DCSTAMP: variants seen among roughly 807,000 people sequenced by gnomAD.
DCSTAMP encodes dendritic cell-specific transmembrane protein.
DCSTAMP carries 25 observed loss-of-function variants against 33.8 expected under a neutral mutation model. The observed-to-expected ratio is 0.74, with a 90% CI of 0.54 to 1.03. The LOEUF (loss-of-function observed/expected upper bound fraction) is 1.03, where lower values mean the gene tolerates loss of function less well. Among genes scored for constraint, DCSTAMP ranks in the 50% least tolerant of loss-of-function variants. DCSTAMP has a pLI of 0.00. For synonymous variants in DCSTAMP, 245 were observed against 216.7 expected (o/e 1.13, Z -1.15); for missense variants, 531 against 556.8 (o/e 0.95, Z 0.47).
At chr8:104,356,070 A>G in intron 3 of DCSTAMP, 54 bp from the exon 4 acceptor site, 2 of 1,526,598 alleles carry the variant, frequency 1.3e-6, no homozygotes, top group Admixed American at 3.7e-5. Context: ...TGTCAGAGGC[A>G]TTTAAAATGA....
rs759300750 is a variant in DCSTAMP, at chr8:104,349,262, C to T, written c.710C>T (p.Pro237Leu). The T allele has an allele frequency of 1.4e-5, 22 of 1,614,096 alleles. No individual in the cohort carries two copies. In the Admixed American group the frequency reaches 3.3e-4, roughly 24 times the overall value. Reference protein sequence around the residue: ...TGLFMKRFLGPCGWKYENIYI... With the variant: ...TGLFMKRFLGLCGWKYENIYI... ...CTCTTCATGAAGCGATTTTTGGGCC[C>T]TTGTGGTTGGAAGTATGAAAACATC... Residue 237 changes from proline (P) to leucine (L), a missense_variant, in exon 2 of 4, where the codon CCT becomes CTT. By Grantham distance (98) the Pro-to-Leu change is moderately conservative. Coordinates refer to ENST00000297581, the MANE Select transcript of DCSTAMP (RefSeq NM_030788.4).
chr8:104,349,618 C>A (rs140041082), intron 2 of DCSTAMP, 37 bp downstream of exon 2: 15 of 1,568,582 alleles, frequency 9.6e-6, no homozygotes, highest in Non-Finnish European at 1.3e-5. Context: ...TTTATCCCGG[C>A]TATTTGCTGG....
chr8:104,353,447 C>T (rs1231335463), intron 2 of DCSTAMP, among the ~76,000 whole-genome samples: 1 of 152,172 alleles, frequency 6.6e-6, no homozygotes, highest in Non-Finnish European at 1.5e-5. Context: ...TGTCCCAGAC[C>T]GAACACCCGC....
At chr8:104,342,568 C>A (rs1170377777) in intron 1 of DCSTAMP, among the ~76,000 whole-genome samples, 3 of 152,226 alleles carry the variant, frequency 2.0e-5, no homozygotes, top group African/African-American at 7.2e-5. Context: ...GGCCCACTGG[C>A]CCACACCCCA....
intron 1 of DCSTAMP, among the ~76,000 whole-genome samples, chr8:104,343,212 C>G (rs1012814917): frequency 6.6e-6 from 1 of 152,200 alleles, no homozygotes; most frequent in Non-Finnish European, 1.5e-5. Context: ...GGCTCTTGCA[C>G]TTATTAGCTG....
rs755292234 is a variant in DCSTAMP, at chr8:104,349,218, C to A, written c.666C>A (p.Leu222=). ...QKLLAFAGLS[L]VLLGTGLFMK... ...TACTTGCCTTTGCAGGGCTTTCGCT[C>A]GTCCTGCTTGGCACTGGCCTCTTCA... Residue 222 remains leucine (L), a synonymous_variant, in exon 2 of 4, where the codon CTC becomes CTA. Transcript: ENST00000297581. 1 of 1,614,192 alleles carries A rather than the reference C, an allele frequency of 6.2e-7. No homozygotes were observed. The highest frequency in any genetic ancestry group is 2.2e-5 in the East Asian group (1 of 44,876).
intron 1 of DCSTAMP, among the ~76,000 whole-genome samples, chr8:104,344,255 T>G (rs1320875177): frequency 1.3e-5 from 2 of 152,136 alleles, no homozygotes; most frequent in Admixed American, 1.3e-4. Flanking sequence ...TAATTTAAAT[T>G]TTATTTAATC....
rs201203725 is a variant in DCSTAMP, at chr8:104,348,735, C to G, written c.183C>G (p.Ala61=). ...ACWFLPSIIA[A]AASWIITCVL... is the part of the protein sequence containing the mutation. Reference sequence around the variant, plus strand: ...GGTTTCTGCCATCAATCATAGCGGCCGCTGCCTCCTGGATTATCACGTGTG... The same window carrying G: ...GGTTTCTGCCATCAATCATAGCGGCGGCTGCCTCCTGGATTATCACGTGTG... The change falls in exon 2 of 4, where the codon GCC becomes GCG. Residue 61 remains alanine, a synonymous_variant. Transcript: ENST00000297581. The G allele has an allele frequency of 7.1e-5, 114 of 1,613,986 alleles. 1 individual carries two copies. Among genetic ancestry groups the G allele is most frequent in the Non-Finnish European group, 1.1e-5 (13 of 1,180,024 alleles).
chr8:104,345,786 CA>C (rs1810299226), intron 1 of DCSTAMP, among the ~76,000 whole-genome samples: 1 of 152,184 alleles, frequency 6.6e-6, no homozygotes, highest in African/African-American at 2.4e-5. Context: ...AAAAGTTAAA[CA>C]GCTGGGATTT....
At position 104,355,033 on chromosome 8, in the gene DCSTAMP, A is replaced by T; in HGVS notation, c.1186A>T (p.Ile396Phe). The T allele has an allele frequency of 6.2e-7, 1 of 1,614,116 alleles. No individual in the cohort carries two copies. Among genetic ancestry groups the T allele is most frequent in the Non-Finnish European group, 8.5e-7 (1 of 1,179,994 alleles). Reference protein sequence around the residue: ...ILVMLGLLSSILMQLKILVSA... With the variant: ...ILVMLGLLSSFLMQLKILVSA... ...AGTGATGCTGGGACTGTTGTCCTCT[A>T]TCCTTATGCAACTTAAAATCCTGGT... Residue 396 changes from isoleucine (I) to phenylalanine (F), a missense_variant, in exon 3 of 4, where the codon ATC (isoleucine) becomes TTC (phenylalanine). Ile to Phe is a conservative substitution (Grantham distance 21). Transcript: ENST00000297581.
chr8:104,349,728 C>G, intron 2 of DCSTAMP, 147 bp downstream of exon 2: 2 of 866,920 alleles, frequency 2.3e-6, no homozygotes, highest in Admixed American at 5.9e-5. Context: ...ATAGAAGGAA[C>G]CCAACAATTG....
At chr8:104,344,543 G>A (rs1315860112) in intron 1 of DCSTAMP, among the ~76,000 whole-genome samples, 1 of 152,132 alleles carries the variant, frequency 6.6e-6, no homozygotes, top group African/African-American at 2.4e-5. Context: ...CACGAGAGCA[G>A]CTTCAGCAGC....
chr8:104,355,207 A>G, intron 3 of DCSTAMP, 22 bp downstream of exon 3: 3 of 1,589,564 alleles, frequency 1.9e-6, no homozygotes, highest in Non-Finnish European at 2.6e-6. Flanking sequence ...ATGGTGGTGT[A>G]ACCTCCAATT....
chr8:104,354,494 T>C (rs1810557965), intron 2 of DCSTAMP, among the ~76,000 whole-genome samples: 1 of 152,204 alleles, frequency 6.6e-6, no homozygotes, highest in Non-Finnish European at 1.5e-5. Context: ...ATGAGTTATG[T>C]GATCAAATTT....
At chr8:104,348,459 G>A (rs931136457) in intron 1 of DCSTAMP, 82 bp from the exon 2 acceptor site, 22 of 1,388,084 alleles carry the variant, frequency 1.6e-5, no homozygotes, top group South Asian at 4.3e-5. Flanking sequence ...GTTTTTTGTA[G>A]TCAGTCTACC....
At chr8:104,352,919 G>T (rs995244282) in intron 2 of DCSTAMP, among the ~76,000 whole-genome samples, 8 of 152,156 alleles carry the variant, frequency 5.3e-5, no homozygotes, top group African/African-American at 1.9e-4. Flanking sequence ...CTTATGCCAG[G>T]GTGCCCTTGG....
chr8:104,353,465 T>C (rs1043553505), intron 2 of DCSTAMP, among the ~76,000 whole-genome samples: 1 of 152,254 alleles, frequency 6.6e-6, no homozygotes, highest in Non-Finnish European at 1.5e-5. Flanking sequence ...CGCTGCTTTC[T>C]TATTGCAGGA....
chr8:104,344,029 A>G (rs956439096), intron 1 of DCSTAMP, among the ~76,000 whole-genome samples: 3 of 152,234 alleles, frequency 2.0e-5, no homozygotes, highest in Non-Finnish European at 1.5e-5. Flanking sequence ...ATTTTAAAAC[A>G]GGACTCATGA....
In DCSTAMP at chr8:104,356,271, T is replaced by C; in HGVS notation, c.*73T>C. 2 of 1,453,350 alleles carry C rather than the reference T, an allele frequency of 1.4e-6. No individual in the cohort carries two copies. Among genetic ancestry groups the C allele is most frequent in the Non-Finnish European group, 1.9e-6 (2 of 1,064,750 alleles). 90.0% of individuals were successfully genotyped at this position (1,453,350 alleles called of 1,614,324 possible). On this transcript the variant is annotated 3_prime_UTR_variant, in exon 4 of 4. Transcript: ENST00000297581. ...GGTCTAGGATGGCAGTCACTATTCA[T>C]GCCGGATAATAGAGAACTATGTGAC...
Sources: allele counts gnomAD v4.1 joint callset (sites outside exome capture counted in the v4.1 genomes callset), GRCh38; gene constraint gnomAD v4.1.1; transcripts MANE v1.5; gene names NCBI Gene and HGNC (gene_info 2026-07-23, HGNC 2026-07-21).